Variants in GBE1 observed in about 807,000 individuals in gnomAD.
The protein encoded by GBE1 is 1,4-alpha-glucan-branching enzyme.
Under a neutral mutation model 88.8 loss-of-function variants are expected in GBE1, and 70 were observed. That is an observed-to-expected ratio of 0.79 (90% CI 0.65 to 0.96). The LOEUF (loss-of-function observed/expected upper bound fraction) is 0.96. Ranked by LOEUF, GBE1 falls within the 40% of genes least tolerant of loss-of-function variation. The pLI is 0.00. For synonymous variants in GBE1, 284 were observed against 300.1 expected (o/e 0.95, Z 0.56); for missense variants, 872 against 871.0 (o/e 1.00, Z -0.01).
intron 14 of GBE1, among the ~76,000 whole-genome samples, chr3:81,528,105 A>G (rs988918187): frequency 1.3e-5 from 2 of 151,826 alleles, no homozygotes; most frequent in African/African-American, 4.8e-5. Flanking sequence ...TTCTCAGCAA[A>G]CTATCATAAG....
At chr3:81,508,689 G>A (rs555277862) in intron 14 of GBE1, among the ~76,000 whole-genome samples, 4 of 152,100 alleles carry the variant, frequency 2.6e-5, no homozygotes, top group Non-Finnish European at 1.5e-5. Context: ...AAACGGGGAC[G>A]TCTCTGAAAA....
At chr3:81,755,842 A>G (rs1049319493) in intron 1 of GBE1, among the ~76,000 whole-genome samples, 4 of 152,134 alleles carry the variant, frequency 2.6e-5, no homozygotes, top group South Asian at 4.1e-4. Context: ...AGGAAGATAA[A>G]GGAGGAAAAT....
At chr3:81,652,829 G>T (rs951475214) in intron 3 of GBE1, among the ~76,000 whole-genome samples, 2 of 152,096 alleles carry the variant, frequency 1.3e-5, no homozygotes, top group Non-Finnish European at 2.9e-5. Context: ...AAAGACTATA[G>T]CCTTTACGGA....
intron 12 of GBE1, among the ~76,000 whole-genome samples, chr3:81,567,693 T>A (rs1703511565): frequency 6.6e-6 from 1 of 152,230 alleles, no homozygotes; most frequent in Non-Finnish European, 1.5e-5. Context: ...TGATTAAATC[T>A]ACCTCCAAAA....
At chr3:81,726,194 C>T (rs1472136129) in intron 1 of GBE1, among the ~76,000 whole-genome samples, 3 of 150,698 alleles carry the variant, frequency 2.0e-5, no homozygotes, top group Non-Finnish European at 4.4e-5. Flanking sequence ...TCTAACAATA[C>T]ATCCCCCTTC....
At chr3:81,668,165 A>G (rs1241605568) in intron 3 of GBE1, among the ~76,000 whole-genome samples, 1 of 152,122 alleles carries the variant, frequency 6.6e-6, no homozygotes, top group Admixed American at 6.5e-5. Context: ...ATGGGAGTTG[A>G]ACAATGAGAA....
At chr3:81,736,321 T>C (rs1311355846) in intron 1 of GBE1, among the ~76,000 whole-genome samples, 1 of 152,214 alleles carries the variant, frequency 6.6e-6, no homozygotes, top group African/African-American at 2.4e-5. Flanking sequence ...CACATTGAAA[T>C]GTTGGCCATT....
chr3:81,630,354 A>G (rs940314791), intron 7 of GBE1, among the ~76,000 whole-genome samples: 1 of 152,090 alleles, frequency 6.6e-6, no homozygotes, highest in Non-Finnish European at 1.5e-5. Flanking sequence ...CAAGCTACCA[A>G]TGACTTCCCC....
chr3:81,497,463 G>A (rs1210489572), intron 15 of GBE1, among the ~76,000 whole-genome samples: 2 of 152,100 alleles, frequency 1.3e-5, no homozygotes, highest in African/African-American at 2.4e-5. Context: ...TCTTGCTGTA[G>A]GGAAGATAAT....
chr3:81,633,569 T>C (rs1192646660), intron 7 of GBE1, among the ~76,000 whole-genome samples: 1 of 152,188 alleles, frequency 6.6e-6, no homozygotes, highest in Non-Finnish European at 1.5e-5. Flanking sequence ...TTAATAAAGT[T>C]GTATTCTGCT....
At chr3:81,585,934 C>A (rs1005495408) in intron 10 of GBE1, among the ~76,000 whole-genome samples, 158 bp downstream of exon 10, 4 of 152,074 alleles carry the variant, frequency 2.6e-5, no homozygotes, top group Non-Finnish European at 5.9e-5. Flanking sequence ...TTTTGAGAAG[C>A]ACCTTATTAA....
chr3:81,718,171 G>T (rs1195871668), intron 1 of GBE1, among the ~76,000 whole-genome samples: 2 of 151,832 alleles, frequency 1.3e-5, no homozygotes, highest in Admixed American at 1.3e-4. Context: ...GTATAGGTGG[G>T]GTTTGACCAT....
At chr3:81,735,134 C>T (rs115018352) in intron 1 of GBE1, among the ~76,000 whole-genome samples, 2,268 of 152,138 alleles carry the variant, frequency 0.015, 63 homozygotes, top group African/African-American at 0.051. Flanking sequence ...GGAACATATC[C>T]CCCATGGACA....
chr3:81,582,666 T>G (rs985047292), intron 10 of GBE1, among the ~76,000 whole-genome samples: 1 of 152,052 alleles, frequency 6.6e-6, no homozygotes, highest in Non-Finnish European at 1.5e-5. Flanking sequence ...AAATGATGCT[T>G]AAAGAATTGG....
intron 14 of GBE1, among the ~76,000 whole-genome samples, chr3:81,531,860 A>T (rs1703015136): frequency 6.6e-6 from 1 of 152,018 alleles, no homozygotes; most frequent in Non-Finnish European, 1.5e-5. Flanking sequence ...TTTAGTGTGC[A>T]GTGTTGGGTC....
intron 1 of GBE1, among the ~76,000 whole-genome samples, chr3:81,707,346 A>AT (rs1184957000): frequency 2.0e-5 from 3 of 152,140 alleles, no homozygotes; most frequent in East Asian, 3.9e-4. Context: ...TATCTAAGGG[A>AT]TTTTTTTAAA....
chr3:81,721,237 ACACATG>A (rs1706029270), intron 1 of GBE1, among the ~76,000 whole-genome samples: 1 of 103,148 alleles, frequency 9.7e-6, no homozygotes, highest in African/African-American at 4.5e-5. Context: ...ATAAATAAAA[ACACATG>A]AAAAAAAAAA....
At chr3:81,513,262 C>A (rs890912764) in intron 14 of GBE1, among the ~76,000 whole-genome samples, 12 of 151,556 alleles carry the variant, frequency 7.9e-5, no homozygotes, top group African/African-American at 2.7e-4. Flanking sequence ...CAAGACAGTG[C>A]TGCAGGATAC....
chr3:81,493,550 TAGA>T (rs1702463850), intron 15 of GBE1, among the ~76,000 whole-genome samples: 1 of 151,934 alleles, frequency 6.6e-6, no homozygotes. Context: ...TTTTTCTTTT[TAGA>T]AGGAGTTTCG....
Sources: gnomAD v4.1 joint callset for allele counts (sites outside exome capture counted in the v4.1 genomes callset) on GRCh38, gnomAD v4.1.1 for gene constraint, MANE v1.5 for transcripts, NCBI Gene and HGNC (gene_info 2026-07-23, HGNC 2026-07-21) for gene names.